The following TMEM132A variants were observed in gnomAD, a reference collection of about 807,000 sequenced individuals.
The protein encoded by TMEM132A is GRP78-binding protein.
In TMEM132A, 48 loss-of-function variants were observed where a neutral mutation model predicts 69.9. The observed-to-expected ratio is 0.69, with a 90% confidence interval of 0.55 to 0.87. The LOEUF is 0.87. TMEM132A is among the 40% of genes least tolerant of loss of function. TMEM132A has a pLI of 0.00. For missense variants in TMEM132A, 1,287 were observed against 1,407.2 expected (o/e 0.91, Z 1.37); for synonymous variants, 577 against 613.7 (o/e 0.94, Z 0.88).
In TMEM132A at chr11:60,936,730, T is replaced by C. The variant is rs773959423; in HGVS notation, c.2895T>C (p.Phe965=). 8 of 1,596,734 alleles carry C rather than the reference T, an allele frequency of 5.0e-6. No homozygotes were observed. The South Asian group carries it at 6.7e-5, about 13-fold the overall frequency. ...EAGGRRKRVE[F]VTFAPAPPAQ... ...GGGGGCGGCGGAAGCGAGTAGAGTT[T>C]GTGACATTTGCGCCAGCCCCTCCAG... The change falls in exon 11 of 11, where the codon TTT becomes TTC. Residue 965 remains phenylalanine (F), a synonymous_variant. Transcript: ENST00000453848.
Position 60,935,333 on chromosome 11 carries a change from A to G in TMEM132A, c.1918A>G (p.Arg640Gly). ...CGACAAGGTCTCAGTGCTGGAGCTG[A>G]GGGTGCAGCCAGTGATGGGCATCTC... ...TDDKVSVLEL[R>G]VQPVMGISLT... The change falls in exon 10 of 11, where the codon AGG (arginine) becomes GGG (glycine). Residue 640 changes from arginine to glycine, a missense_variant. Physicochemically the swap from Arg to Gly is moderately radical, Grantham distance 125. Coordinates refer to ENST00000453848, the MANE Select transcript of TMEM132A (RefSeq NM_178031.3). This position sits in a 1 kb window ranked among gnomAD's most constrained non-coding sequence, Gnocchi z 5.0. 6.2e-7 allele frequency: 1 copy of G among 1,613,082 alleles called. No individual in the cohort carries two copies. The highest frequency in any genetic ancestry group is 8.5e-7 in the Non-Finnish European group (1 of 1,179,718).
At chr11:60,934,409 C>T in intron 8 of TMEM132A, 79 bp from the exon 9 acceptor site, 3 of 1,245,780 alleles carry the variant, frequency 2.4e-6, no homozygotes, top group East Asian at 3.3e-5. Context: ...GGACGAGCTG[C>T]GGGTCTCCAG....
rs745831135 is a variant in TMEM132A, at chr11:60,924,655, C to A, written c.22C>A (p.Arg8Ser). 4 of 1,594,308 alleles carry A rather than the reference C, an allele frequency of 2.5e-6. No homozygotes were observed. The Admixed American group carries it at 5.0e-5, about 20-fold the overall frequency. MCARMAG[R>S]TTAAPRGPYG... ...AAGGATGTGCGCGCGGATGGCCGGT[C>A]GCACAACAGCGGCCCCTCGGGGGCC... Residue 8 changes from arginine (R) to serine (S), a missense_variant, in exon 1 of 11, where the codon CGC (arginine) becomes AGC (serine). By Grantham distance (110) the Arg-to-Ser change is moderately radical (BLOSUM62 -1). Coordinates refer to ENST00000453848, the MANE Select transcript of TMEM132A (RefSeq NM_178031.3).
intron 3 of TMEM132A, 63 bp from the exon 4 acceptor site, chr11:60,928,566 G>A (rs925199734): frequency 1.3e-6 from 2 of 1,485,706 alleles, no homozygotes; most frequent in Non-Finnish European, 1.8e-6. Flanking sequence ...CATGGGTGCT[G>A]AGAATCCTGT....
At position 60,931,686 on chromosome 11, in the gene TMEM132A, C is replaced by A; in HGVS notation, c.1017-3C>A. On this transcript the variant is annotated splice_region_variant and splice_polypyrimidine_tract_variant and intron_variant, in intron 5 of 10. Coordinates refer to ENST00000453848, the MANE Select transcript of TMEM132A (RefSeq NM_178031.3). ...TGGCTTCTCTGTCTCCTTTGGCCAG[C>A]AGTCCCCTTGAACTGTCTGAGTTCC... is the stretch of plus-strand genomic sequence containing the variant. The A allele has an allele frequency of 6.2e-7, 1 of 1,603,080 alleles. No individual in the cohort carries two copies. Among genetic ancestry groups the A allele is most frequent in the South Asian group, 1.1e-5 (1 of 90,314 alleles).
chr11:60,933,158 C>A (rs919225059), intron 7 of TMEM132A: 2 of 182,740 alleles, frequency 1.1e-5, no homozygotes, highest in Non-Finnish European at 2.2e-5. Context: ...CAGGGCTGCT[C>A]TCTTCTGGCC....
chr11:60,930,494 A>G lies in TMEM132A; in HGVS notation c.867-16A>G, dbSNP rs770074676. On this transcript the variant is annotated splice_polypyrimidine_tract_variant and intron_variant, in intron 4 of 10. Transcript: ENST00000453848. The stretch of plus-strand genomic sequence containing the variant: ...GCATGCACCTTGCCAAACTGAGCCT[A>G]TACTCTCTTCCCCAGGATCAAGGTG... 6.3e-7 allele frequency: 1 copy of G among 1,587,342 alleles called. No individual in the cohort carries two copies. Among genetic ancestry groups the G allele is most frequent in the Non-Finnish European group, 8.6e-7 (1 of 1,166,142 alleles).
Position 60,937,045 on chromosome 11 carries a change from C to T in TMEM132A, c.*138C>T, listed in dbSNP as rs1021788612. The T allele has an allele frequency of 1.1e-5, 14 of 1,276,596 alleles. No homozygotes were observed. Among genetic ancestry groups the T allele is most frequent in the Non-Finnish European group, 1.5e-5 (14 of 950,918 alleles). The allele number at this position is 1,276,596 out of a possible 1,614,324, so 79.1% of individuals were successfully genotyped here. A position where few individuals can be genotyped will look rare whatever the true frequency, so the allele number is the denominator to read the frequency against. ...CCTGGTCCCCCACAAGGACTCCCATCCAGGCCCCCTCTGCCCTGCCCCTTG... is the reference window on the plus strand; with the variant it reads ...CCTGGTCCCCCACAAGGACTCCCATTCAGGCCCCCTCTGCCCTGCCCCTTG... On this transcript the variant is annotated 3_prime_UTR_variant, in exon 11 of 11. Coordinates refer to ENST00000453848, the MANE Select transcript of TMEM132A (RefSeq NM_178031.3).
Position 60,936,367 on chromosome 11 carries a change from T to G in TMEM132A, c.2532T>G (p.Thr844=), listed in dbSNP as rs773395288. The G allele has an allele frequency of 6.2e-7, 1 of 1,613,930 alleles. No homozygotes were observed. Among genetic ancestry groups the G allele is most frequent in the Non-Finnish European group, 8.5e-7 (1 of 1,179,798 alleles). ...TGGTCCCTGCCCCTCAGCATGTCACTGAGCTAGAGCTGGGCATGTACGCCC... is the reference window on the plus strand; with the variant it reads ...TGGTCCCTGCCCCTCAGCATGTCACGGAGCTAGAGCTGGGCATGTACGCCC... ...EEMVPAPQHV[T]ELELGMYALL... The change falls in exon 11 of 11, where the codon ACT becomes ACG. Residue 844 remains threonine (T), a synonymous_variant. Coordinates refer to ENST00000453848, the MANE Select transcript of TMEM132A (RefSeq NM_178031.3).
chr11:60,936,991 G>A lies in TMEM132A; in HGVS notation c.*84G>A, dbSNP rs955904220. 519 of 1,343,380 alleles carry A rather than the reference G, an allele frequency of 3.9e-4. No individual in the cohort carries two copies. The highest frequency in any genetic ancestry group is 4.7e-4 in the Non-Finnish European group (478 of 1,007,624). The allele number at this position is 1,343,380 out of a possible 1,614,324, so 83.2% of individuals were successfully genotyped here. On this transcript the variant is annotated 3_prime_UTR_variant, in exon 11 of 11. Transcript: ENST00000453848. Reference sequence around the variant, plus strand: ...AGCCTCTCGCCTGCCCCCGCCACTCGTCTGGTGCTTGTTGATCCAAGTCCC... The same window carrying A: ...AGCCTCTCGCCTGCCCCCGCCACTCATCTGGTGCTTGTTGATCCAAGTCCC...
chr11:60,934,472 C>T lies in TMEM132A; in HGVS notation c.1560-16C>T. The T allele has an allele frequency of 7.3e-7, 1 of 1,366,398 alleles. No individual in the cohort carries two copies. The highest frequency in any genetic ancestry group is 1.5e-5 in the African/African-American group (1 of 65,086). 84.6% of individuals were successfully genotyped at this position (1,366,398 alleles called of 1,614,324 possible). Reference sequence around the variant, plus strand: ...GCTCAGCGCTGACGGCCAGTCCCGGCCTCCCCGCCCTGCAGGCCTGCGGAA... The same window carrying T: ...GCTCAGCGCTGACGGCCAGTCCCGGTCTCCCCGCCCTGCAGGCCTGCGGAA... On this transcript the variant is annotated splice_polypyrimidine_tract_variant and intron_variant, in intron 8 of 10. Coordinates refer to ENST00000453848, the MANE Select transcript of TMEM132A (RefSeq NM_178031.3).
chr11:60,934,512 G>A lies in TMEM132A; in HGVS notation c.1584G>A (p.Ala528=), dbSNP rs767777953. ...AEGPAEPAAE[A]SDEAERRARG... ...GGCCTGCGGAACCCGCTGCAGAGGC[G>A]TCGGATGAGGCCGAGCGGCGCGCCC... The change falls in exon 9 of 11, where the codon GCG becomes GCA. Residue 528 remains alanine, a synonymous_variant. Transcript: ENST00000453848. The A allele has an allele frequency of 2.1e-6, 3 of 1,425,684 alleles. No individual in the cohort carries two copies. Among genetic ancestry groups the A allele is most frequent in the Non-Finnish European group, 2.7e-6 (3 of 1,099,124 alleles). The allele number at this position is 1,425,684 out of a possible 1,614,324, so 88.3% of individuals were successfully genotyped here. A position where few individuals can be genotyped will look rare whatever the true frequency, so the allele number is the denominator to read the frequency against.
At chr11:60,927,578 C>G in intron 2 of TMEM132A, 63 bp from the exon 3 acceptor site, 1 of 1,498,922 alleles carries the variant, frequency 6.7e-7, no homozygotes, top group Non-Finnish European at 9.1e-7. Flanking sequence ...GCTGGGATCC[C>G]ATCTTCCTAG....
chr11:60,927,267 C>T lies in TMEM132A; in HGVS notation c.164C>T (p.Ala55Val). Residue 55 changes from alanine (A) to valine (V), a missense_variant, in exon 2 of 11, where the codon GCC (alanine) becomes GTC (valine). By Grantham distance (64) the Ala-to-Val change is moderately conservative. Coordinates refer to ENST00000453848, the MANE Select transcript of TMEM132A (RefSeq NM_178031.3). The stretch of plus-strand genomic sequence containing the variant: ...CCGGCAGCCCTGGAGCTCCTAGACG[C>T]CCCTGAACACTTCCGTGTGCAGCAG... ...YLPAALELLD[A>V]PEHFRVQQVG... 6.2e-7 allele frequency: 1 copy of T among 1,613,624 alleles called. No individual in the cohort carries two copies. Among genetic ancestry groups the T allele is most frequent in the Non-Finnish European group, 8.5e-7 (1 of 1,179,990 alleles).
intron 3 of TMEM132A, 50 bp from the exon 4 acceptor site, chr11:60,928,579 C>A: frequency 6.5e-7 from 1 of 1,542,906 alleles, no homozygotes; most frequent in Non-Finnish European, 8.8e-7. Context: ...AATCCTGTTC[C>A]TCGCCCTGCA....
chr11:60,933,967 GT>G, intron 8 of TMEM132A: 2 of 576,902 alleles, frequency 3.5e-6, no homozygotes, highest in Non-Finnish European at 6.2e-6. Flanking sequence ...CACTTCTCCC[GT>G]AGCACCCTCC....
Position 60,934,574 on chromosome 11 carries a change from G to C in TMEM132A, c.1646G>C (p.Arg549Pro). The change falls in exon 9 of 11, where the codon CGC becomes CCC. Residue 549 changes from arginine (R) to proline (P), a missense_variant. By Grantham distance (103) the Arg-to-Pro change is moderately radical. Transcript: ENST00000453848. The part of the protein sequence containing the change: ...CHLQYQRAGV[R>P]FLAPFAAHPL... ...CTGCAGTACCAGCGGGCCGGTGTGC[G>C]CTTCCTCGCCCCCTTCGCGGCCCAC... 1 of 1,544,652 alleles carries C rather than the reference G, an allele frequency of 6.5e-7. No homozygotes were observed. The highest frequency in any genetic ancestry group is 8.7e-7 in the Non-Finnish European group (1 of 1,153,804).
At chr11:60,930,729 T>C (rs1856461532) in intron 5 of TMEM132A, 70 bp downstream of exon 5, 1 of 1,455,816 alleles carries the variant, frequency 6.9e-7, no homozygotes. Context: ...TGAGCAGATT[T>C]GGAGGCTGCC....
In TMEM132A at chr11:60,928,948, T is replaced by C. The variant is rs200641516; in HGVS notation, c.854T>C (p.Leu285Pro). 6.2e-7 allele frequency: 1 copy of C among 1,612,364 alleles called. No homozygotes were observed. The highest frequency in any genetic ancestry group is 2.2e-5 in the East Asian group (1 of 44,876). Reference protein sequence around the residue: ...LLLRHNFTASLLTLRIKVKKG... With the variant: ...LLLRHNFTASPLTLRIKVKKG... Reference sequence around the variant, plus strand: ...CTTCGGCACAACTTCACAGCCAGCCTCCTGACCCTGCGGTGAGCACCAGGC... The same window carrying C: ...CTTCGGCACAACTTCACAGCCAGCCCCCTGACCCTGCGGTGAGCACCAGGC... The change falls in exon 4 of 11, where the codon CTC becomes CCC. Residue 285 changes from leucine (L) to proline (P), a missense_variant. Transcript: ENST00000453848.
Sources: gnomAD v4.1 joint callset for allele counts on GRCh38, gnomAD v4.1.1 for gene constraint, Gnocchi (gnomAD v3.1) non-coding constraint, MANE v1.5 for transcripts, NCBI Gene and HGNC (gene_info 2026-07-23, HGNC 2026-07-21) for gene names.